Variants in MAD1L1 observed in about 807,000 individuals in gnomAD.
MAD1L1 encodes mitotic arrest deficient 1 like 1.
In MAD1L1, 95 loss-of-function variants were observed where a neutral mutation model predicts 96.9. The ratio of observed to expected loss-of-function variants is 0.98; its 90% CI spans 0.83 to 1.16. The LOEUF (loss-of-function observed/expected upper bound fraction) is 1.16, where lower values mean the gene tolerates loss of function less well. Ranked by LOEUF, MAD1L1 falls within the 50% of genes most tolerant of loss-of-function variation. MAD1L1 has a pLI of 0.00. For missense variants in MAD1L1, 1,007 were observed against 954.4 expected (o/e 1.06, Z -0.73); for synonymous variants, 473 against 396.6 (o/e 1.19, Z -2.29).
intron 17 of MAD1L1, among the ~76,000 whole-genome samples, chr7:1,919,398 G>T (rs1278796359): frequency 6.6e-6 from 1 of 152,260 alleles, no homozygotes; most frequent in Non-Finnish European, 1.5e-5. Flanking sequence ...CTGACCTGGT[G>T]CAGGAGGTCC....
chr7:2,028,136 T>C (rs1256653724), intron 12 of MAD1L1, among the ~76,000 whole-genome samples: 3 of 152,062 alleles, frequency 2.0e-5, no homozygotes, highest in African/African-American at 7.2e-5. Context: ...AAAATAAGTA[T>C]GACCTAAGGC....
At chr7:2,161,978 G>A (rs1172326217) in intron 10 of MAD1L1, among the ~76,000 whole-genome samples, 1 of 146,846 alleles carries the variant, frequency 6.8e-6, no homozygotes, top group East Asian at 2.1e-4. Context: ...GAGGTGGGGG[G>A]CGGCCCCCGC....
At chr7:2,003,846 C>T (rs565916377) in intron 13 of MAD1L1, among the ~76,000 whole-genome samples, 2 of 152,284 alleles carry the variant, frequency 1.3e-5, no homozygotes, top group East Asian at 3.9e-4. Context: ...CTTGGTGCCT[C>T]GAGGCCTAGG....
intron 16 of MAD1L1, among the ~76,000 whole-genome samples, chr7:1,949,702 T>TA (rs1779398174): frequency 6.6e-6 from 1 of 152,218 alleles, no homozygotes; most frequent in South Asian, 2.1e-4. Flanking sequence ...TCTCTGCAGA[T>TA]ACGCCCAGGA....
intron 15 of MAD1L1, among the ~76,000 whole-genome samples, chr7:1,973,578 T>A (rs1365371687): frequency 6.6e-6 from 1 of 151,926 alleles, no homozygotes. Context: ...AGAGCGGGAA[T>A]GTGTACCCCA....
intron 11 of MAD1L1, among the ~76,000 whole-genome samples, chr7:2,097,326 A>ACTTTGGG (rs1786545406): frequency 6.6e-6 from 1 of 152,216 alleles, no homozygotes; most frequent in Admixed American, 6.5e-5. Flanking sequence ...CTCCTCAGCC[A>ACTTTGGG]AGACCAAGTG....
rs1781767043 is a variant in MAD1L1, at chr7:1,815,883, G to A, written c.*187C>T. 9.4e-6 allele frequency: 6 copies of A among 638,114 alleles called. No homozygotes were observed. Among genetic ancestry groups the A allele is most frequent in the Non-Finnish European group, 1.1e-5 (4 of 377,210 alleles). 39.5% of individuals were successfully genotyped at this position (638,114 alleles called of 1,614,324 possible). ...CCAGGCTCCGGGACGCATGGGGTCT[G>A]CACGTGGAGAGGGTGCTGGCCGCCC... On this transcript the variant is annotated 3_prime_UTR_variant, in exon 19 of 19. Transcript: ENST00000265854.
chr7:2,051,872 AGC>A (rs1365160899), intron 12 of MAD1L1, among the ~76,000 whole-genome samples: 6 of 151,348 alleles, frequency 4.0e-5, no homozygotes, highest in Non-Finnish European at 8.8e-5. Flanking sequence ...CAAGCTGAGC[AGC>A]AGGTGCCGTG....
chr7:2,221,599 G>T (rs1189827764), intron 5 of MAD1L1, among the ~76,000 whole-genome samples: 1 of 151,154 alleles, frequency 6.6e-6, no homozygotes, highest in Non-Finnish European at 1.5e-5. Context: ...GAGGTCAGAA[G>T]ATTCCAATTT....
intron 11 of MAD1L1, among the ~76,000 whole-genome samples, chr7:2,108,721 G>A (rs560448502): frequency 6.6e-6 from 1 of 152,214 alleles, no homozygotes; most frequent in African/African-American, 2.4e-5. Flanking sequence ...AAGGTCAGTA[G>A]AAACTTTCAT....
At chr7:1,869,671 C>G (rs952204847) in intron 18 of MAD1L1, among the ~76,000 whole-genome samples, 1 of 152,158 alleles carries the variant, frequency 6.6e-6, no homozygotes, top group Non-Finnish European at 1.5e-5. Context: ...TAGCCTGCGT[C>G]GGTAATGAGC....
Position 2,202,360 on chromosome 7 carries a change from C to T in MAD1L1, c.986+10852G>A, listed in dbSNP as rs190875397. On this transcript the variant is annotated intron_variant, in intron 10 of 18. Coordinates refer to ENST00000265854, the MANE Select transcript of MAD1L1 (RefSeq NM_001013836.2). ...CGGACGGAGCTGGGAACCTGGCTCA[C>T]GCCCCACCCTGGCCTGCACCTCTGG... is the stretch of plus-strand genomic sequence containing the variant. Among the ~76,000 whole-genome samples, 260 of 152,344 alleles carry T rather than the reference C, an allele frequency of 1.7e-3. 2 individuals are homozygous for T. Among genetic ancestry groups the T allele is most frequent in the African/African-American group, 5.8e-3 (242 of 41,570 alleles).
chr7:2,113,296 G>A (rs1787480656), intron 11 of MAD1L1, among the ~76,000 whole-genome samples: 1 of 152,180 alleles, frequency 6.6e-6, no homozygotes, highest in African/African-American at 2.4e-5. Flanking sequence ...GTAAGAAATG[G>A]GGGCTGGGCA....
chr7:2,060,564 G>A (rs1172707526), intron 12 of MAD1L1, among the ~76,000 whole-genome samples: 1 of 152,174 alleles, frequency 6.6e-6, no homozygotes, highest in Non-Finnish European at 1.5e-5. Flanking sequence ...GCTTCACCTG[G>A]ACACAGGGAA....
chr7:2,211,472 A>G (rs1792946264), intron 10 of MAD1L1, among the ~76,000 whole-genome samples: 1 of 152,220 alleles, frequency 6.6e-6, no homozygotes, highest in Non-Finnish European at 1.5e-5. Flanking sequence ...CAAACTGCAC[A>G]CTGGACCCTC....
At chr7:1,874,852 G>A (rs1431749353) in intron 18 of MAD1L1, among the ~76,000 whole-genome samples, 3 of 152,088 alleles carry the variant, frequency 2.0e-5, no homozygotes, top group African/African-American at 7.2e-5. Context: ...GGCAGGGAGA[G>A]AACACAGAGG....
intron 18 of MAD1L1, among the ~76,000 whole-genome samples, chr7:1,861,077 A>C (rs899263075): frequency 6.6e-6 from 1 of 152,198 alleles, no homozygotes; most frequent in South Asian, 2.1e-4. Context: ...AAGTCCCAGC[A>C]CGCAAGCCCA....
At chr7:2,039,571 G>A (rs1264474226) in intron 12 of MAD1L1, among the ~76,000 whole-genome samples, 1 of 152,192 alleles carries the variant, frequency 6.6e-6, no homozygotes, top group African/African-American at 2.4e-5. Context: ...ACACCTCACT[G>A]TGGTTTTAAC....
chr7:1,981,971 C>G (rs1780926906), intron 14 of MAD1L1, among the ~76,000 whole-genome samples: 1 of 152,006 alleles, frequency 6.6e-6, no homozygotes, highest in Admixed American at 6.5e-5. Flanking sequence ...ATGCCCATGC[C>G]CTGAGCAGCC....
Sources: gnomAD v4.1 joint callset for allele counts (sites outside exome capture counted in the v4.1 genomes callset) on GRCh38, gnomAD v4.1.1 for gene constraint, MANE v1.5 for transcripts, NCBI Gene and HGNC (gene_info 2026-07-23, HGNC 2026-07-21) for gene names.